Variants in FOXP1 observed in about 807,000 individuals in gnomAD.
FOXP1 encodes the protein forkhead box P1.
FOXP1 carries 15 observed loss-of-function variants against 98.2 expected under a neutral mutation model. The observed-to-expected ratio is 0.15, with a 90% CI of 0.10 to 0.24. The LOEUF (loss-of-function observed/expected upper bound fraction) is 0.24. FOXP1 is among the 10% of genes least tolerant of loss of function. The pLI is 1.00. For synonymous variants in FOXP1, 371 were observed against 314.5 expected, an observed-to-expected ratio of 1.18 and a Z score of -1.90; for missense variants, 633 against 848.5, an observed-to-expected ratio of 0.75 and a Z score of 3.15.
chr3:71,368,095 T>A (rs958139933), intron 3 of FOXP1, among the ~76,000 whole-genome samples: 2 of 152,114 alleles, frequency 1.3e-5, no homozygotes, highest in Admixed American at 1.3e-4. Flanking sequence ...AGGCTCTTAG[T>A]TGGGATTTAT....
At chr3:71,426,890 A>G (rs896251260) in intron 3 of FOXP1, among the ~76,000 whole-genome samples, 7 of 151,960 alleles carry the variant, frequency 4.6e-5, no homozygotes, top group Non-Finnish European at 1.0e-4. Flanking sequence ...GTGAAACCCC[A>G]TCTCTACTAA....
chr3:71,479,225 C>T (rs923304430), intron 3 of FOXP1, among the ~76,000 whole-genome samples: 2 of 152,102 alleles, frequency 1.3e-5, no homozygotes, highest in Non-Finnish European at 2.9e-5. Context: ...AGTTACCTGG[C>T]TTAAAATGAA....
chr3:71,163,001 CAAGCTGGTGTTCCAT>C (rs2061218370), intron 6 of FOXP1, among the ~76,000 whole-genome samples: 1 of 152,170 alleles, frequency 6.6e-6, no homozygotes, highest in South Asian at 2.1e-4. Flanking sequence ...CTGAAAAAAG[CAAGCTGGTGTTCCAT>C]CTAAAATGTG....
chr3:71,412,940 A>G (rs1269964224), intron 3 of FOXP1, among the ~76,000 whole-genome samples: 1 of 152,208 alleles, frequency 6.6e-6, no homozygotes, highest in Non-Finnish European at 1.5e-5. Context: ...GCCTGTGCAC[A>G]TATGCAGTAA....
intron 6 of FOXP1, among the ~76,000 whole-genome samples, chr3:71,163,707 AT>A (rs1223425551): frequency 8.5e-5 from 13 of 152,298 alleles, no homozygotes; most frequent in Admixed American, 1.3e-4. Flanking sequence ...TTAGTTCATC[AT>A]TCCTATGTGT....
At position 71,569,318 on chromosome 3, in the gene FOXP1, G is replaced by A. The variant is rs982591655; in HGVS notation, c.-298+12231C>T. Among the ~76,000 whole-genome samples the A allele has an allele frequency of 2.0e-5, 3 of 152,308 alleles. No individual in the cohort carries two copies. In the South Asian group the frequency reaches 6.2e-4, roughly 32 times the overall value. On this transcript the variant is annotated intron_variant, in intron 2 of 20. Coordinates refer to ENST00000649528, the MANE Select transcript of FOXP1 (RefSeq NM_001349338.3). ...GCACATGTGTACACAAGTGCATGCA[G>A]ACGTACAGCACACATATCCACAGAA...
At chr3:71,116,866 T>C (rs192725087) in intron 6 of FOXP1, among the ~76,000 whole-genome samples, 1 of 152,346 alleles carries the variant, frequency 6.6e-6, no homozygotes, top group Admixed American at 6.5e-5. Context: ...CTCCACCATC[T>C]ATGATTTGTA....
chr3:71,429,175 A>G (rs931874413), intron 3 of FOXP1, among the ~76,000 whole-genome samples: 3 of 152,228 alleles, frequency 2.0e-5, no homozygotes, highest in African/African-American at 7.2e-5. Context: ...GTTATCACCC[A>G]CAACCTCGCC....
chr3:71,398,111 A>C (rs1292195241), intron 3 of FOXP1, among the ~76,000 whole-genome samples: 1 of 152,226 alleles, frequency 6.6e-6, no homozygotes, highest in East Asian at 1.9e-4. Context: ...ATAGCTTCTA[A>C]CACTCCAATG....
chr3:71,154,243 T>C (rs1175608974), intron 6 of FOXP1, among the ~76,000 whole-genome samples: 2 of 152,164 alleles, frequency 1.3e-5, no homozygotes, highest in Admixed American at 6.5e-5. Flanking sequence ...GTGAGAACAT[T>C]TGAAATCTCC....
chr3:71,454,082 T>C (rs1404464866), intron 3 of FOXP1, among the ~76,000 whole-genome samples: 1 of 152,202 alleles, frequency 6.6e-6, no homozygotes, highest in Non-Finnish European at 1.5e-5. Context: ...TTGTTACTTC[T>C]CTTACCACCC....
At chr3:71,337,364 T>C (rs1254878386) in intron 4 of FOXP1, among the ~76,000 whole-genome samples, 4 of 152,258 alleles carry the variant, frequency 2.6e-5, no homozygotes, top group Non-Finnish European at 4.4e-5. Flanking sequence ...CCCTCAGTTA[T>C]ACTAGCCACA....
chr3:70,988,928 T>C (rs1473753390), intron 13 of FOXP1, among the ~76,000 whole-genome samples: 4 of 152,054 alleles, frequency 2.6e-5, no homozygotes. Context: ...AGCTGTGGCA[T>C]TTAGGGAAGA....
intron 7 of FOXP1, among the ~76,000 whole-genome samples, chr3:71,060,938 C>G (rs1222391556): frequency 2.0e-5 from 3 of 152,092 alleles, no homozygotes; most frequent in Admixed American, 2.0e-4. Context: ...TTTTCTCATT[C>G]GAAATTAATT....
intron 7 of FOXP1, among the ~76,000 whole-genome samples, chr3:71,094,268 TTTTTC>T (rs1219563523): frequency 2.0e-5 from 3 of 151,478 alleles, no homozygotes; most frequent in African/African-American, 4.9e-5. Flanking sequence ...AATTCCCTTT[TTTTTC>T]TTTTCTTTTT....
At chr3:71,039,068 C>T (rs1412993033) in intron 11 of FOXP1, among the ~76,000 whole-genome samples, 3 of 151,982 alleles carry the variant, frequency 2.0e-5, no homozygotes, top group Non-Finnish European at 4.4e-5. Context: ...AATGTGCTGA[C>T]TGGAATTTTC....
chr3:71,473,824 A>C (rs1416256116), intron 3 of FOXP1, among the ~76,000 whole-genome samples: 1 of 152,146 alleles, frequency 6.6e-6, no homozygotes, highest in East Asian at 1.9e-4. Flanking sequence ...AATACCCTGC[A>C]AGCTATGACA....
At chr3:71,496,291 G>C (rs937467931) in intron 2 of FOXP1, among the ~76,000 whole-genome samples, 1 of 152,152 alleles carries the variant, frequency 6.6e-6, no homozygotes, top group Non-Finnish European at 1.5e-5. Context: ...GGGCAGATAA[G>C]AGCTTTCTAG....
intron 5 of FOXP1, among the ~76,000 whole-genome samples, chr3:71,286,317 G>GCCACCCCCA (rs2072131722): frequency 1.7e-5 from 1 of 58,228 alleles, no homozygotes; most frequent in African/African-American, 6.8e-5. Context: ...CGCCACCCCC[G>GCCACCCCCA]CCCCGCCCGC....
Sources: allele counts gnomAD v4.1 joint callset (sites outside exome capture counted in the v4.1 genomes callset), GRCh38; gene constraint gnomAD v4.1.1; transcripts MANE v1.5; gene names NCBI Gene and HGNC (gene_info 2026-07-23, HGNC 2026-07-21).